The following ZSWIM6 variants were observed in gnomAD, a reference collection of about 807,000 sequenced individuals.
ZSWIM6 encodes zinc finger SWIM-type containing 6, also known as zinc finger SWIM domain-containing protein 6.
Under a neutral mutation model 113.2 loss-of-function variants are expected in ZSWIM6, and 9 were observed. That is an observed-to-expected ratio of 0.08 (90% CI 0.05 to 0.14). The LOEUF (loss-of-function observed/expected upper bound fraction) is 0.14, where lower values mean the gene tolerates loss of function less well. ZSWIM6 is among the 10% of genes least tolerant of loss of function. ZSWIM6 has a pLI of 1.00. For synonymous variants in ZSWIM6, 611 were observed against 606.5 expected (o/e 1.01, Z -0.11); for missense variants, 1,162 against 1,552.2 (o/e 0.75, Z 4.22).
chr5:61,536,630 C>T (rs571510368), intron 10 of ZSWIM6, among the ~76,000 whole-genome samples: 9 of 152,262 alleles, frequency 5.9e-5, no homozygotes, highest in African/African-American at 9.6e-5. Context: ...TTACCAGTGT[C>T]CCCAAAGTTA....
At chr5:61,372,689 C>T (rs1252488829) in intron 1 of ZSWIM6, among the ~76,000 whole-genome samples, 1 of 152,174 alleles carries the variant, frequency 6.6e-6, no homozygotes, top group Non-Finnish European at 1.5e-5. Context: ...CTGTAGTCCA[C>T]CTATTCATAG....
intron 1 of ZSWIM6, among the ~76,000 whole-genome samples, chr5:61,446,733 T>A (rs1746961532): frequency 6.6e-6 from 1 of 152,242 alleles, no homozygotes. Context: ...TGGAAAATGC[T>A]TGGATGTATT....
chr5:61,466,372 A>G (rs1023227483), intron 1 of ZSWIM6, among the ~76,000 whole-genome samples: 2 of 152,200 alleles, frequency 1.3e-5, no homozygotes, highest in Non-Finnish European at 2.9e-5. Context: ...AAAAAATTAC[A>G]GAAAAACTCC....
chr5:61,406,515 A>G (rs1389918547), intron 1 of ZSWIM6, among the ~76,000 whole-genome samples: 1 of 152,070 alleles, frequency 6.6e-6, no homozygotes, highest in Non-Finnish European at 1.5e-5. Context: ...CAGTATCAAA[A>G]TTTTGTTTTA....
At chr5:61,445,498 G>A (rs566314256) in intron 1 of ZSWIM6, among the ~76,000 whole-genome samples, 1 of 151,992 alleles carries the variant, frequency 6.6e-6, no homozygotes, top group East Asian at 1.9e-4. Flanking sequence ...GTGATAAAAC[G>A]CTTGGGATAA....
At chr5:61,482,956 G>T (rs900795142) in intron 2 of ZSWIM6, among the ~76,000 whole-genome samples, 3 of 151,452 alleles carry the variant, frequency 2.0e-5, no homozygotes, top group African/African-American at 7.3e-5. Context: ...CTATCAAGAA[G>T]TAAGTTAATT....
intron 1 of ZSWIM6, among the ~76,000 whole-genome samples, chr5:61,386,615 G>C (rs1272710863): frequency 2.6e-5 from 4 of 152,180 alleles, no homozygotes; most frequent in Non-Finnish European, 4.4e-5. Context: ...AGCTGAGCTG[G>C]CATTTGTACA....
chr5:61,397,317 A>C (rs945827045), intron 1 of ZSWIM6, among the ~76,000 whole-genome samples: 3 of 152,230 alleles, frequency 2.0e-5, no homozygotes, highest in Admixed American at 2.0e-4. Flanking sequence ...AATACATTGG[A>C]TTTACCACTG....
At chr5:61,368,958 T>C (rs1043467197) in intron 1 of ZSWIM6, among the ~76,000 whole-genome samples, 1 of 152,240 alleles carries the variant, frequency 6.6e-6, no homozygotes, top group Admixed American at 6.5e-5. Flanking sequence ...TAAAAAGGCT[T>C]CTTTGAATAT....
intron 1 of ZSWIM6, among the ~76,000 whole-genome samples, chr5:61,382,795 ACT>A (rs1377651385): frequency 6.6e-6 from 1 of 150,460 alleles, no homozygotes; most frequent in Non-Finnish European, 1.5e-5. Flanking sequence ...ACAGAGCAAG[ACT>A]CTGTCTAAAA....
intron 1 of ZSWIM6, among the ~76,000 whole-genome samples, chr5:61,384,884 C>T (rs925555874): frequency 2.0e-5 from 3 of 152,074 alleles, no homozygotes; most frequent in South Asian, 2.1e-4. Flanking sequence ...GGTGAAATCC[C>T]GTCTCTACTA....
At chr5:61,337,573 A>G (rs979130282) in intron 1 of ZSWIM6, among the ~76,000 whole-genome samples, 6 of 152,230 alleles carry the variant, frequency 3.9e-5, no homozygotes, top group African/African-American at 1.4e-4. Context: ...ACAGAAGGGA[A>G]GTGCCTAAGA....
At chr5:61,436,811 T>C (rs1270940000) in intron 1 of ZSWIM6, among the ~76,000 whole-genome samples, 1 of 152,182 alleles carries the variant, frequency 6.6e-6, no homozygotes, top group African/African-American at 2.4e-5. Context: ...GCTAGTTCTG[T>C]TCATCAATAT....
At chr5:61,348,913 G>A (rs994104695) in intron 1 of ZSWIM6, among the ~76,000 whole-genome samples, 1 of 152,022 alleles carries the variant, frequency 6.6e-6, no homozygotes, top group East Asian at 1.9e-4. Context: ...ACTGACCCTC[G>A]CCTGATTCAC....
chr5:61,458,492 G>T (rs1227881167), intron 1 of ZSWIM6, among the ~76,000 whole-genome samples: 1 of 152,142 alleles, frequency 6.6e-6, no homozygotes, highest in Non-Finnish European at 1.5e-5. Flanking sequence ...CCCTTTTTCA[G>T]ATTCTCTAGT....
chr5:61,353,961 T>C (rs1744844839), intron 1 of ZSWIM6, among the ~76,000 whole-genome samples: 1 of 152,200 alleles, frequency 6.6e-6, no homozygotes, highest in South Asian at 2.1e-4. Context: ...ATTCAGCAGA[T>C]GCTGTAGACA....
intron 7 of ZSWIM6, among the ~76,000 whole-genome samples, chr5:61,526,933 A>G (rs1424614625): frequency 1.3e-5 from 2 of 152,232 alleles, no homozygotes; most frequent in Non-Finnish European, 2.9e-5. Flanking sequence ...AGCTTGGCAC[A>G]ATGTGTAAGC....
chr5:61,511,128 A>G (rs1748776547), intron 4 of ZSWIM6, among the ~76,000 whole-genome samples: 1 of 152,160 alleles, frequency 6.6e-6, no homozygotes, highest in Admixed American at 6.6e-5. Flanking sequence ...ATAAAAGACC[A>G]TATCTATTAT....
rs1344978295 is a variant in ZSWIM6, at chr5:61,332,411, C to G, written c.139C>G (p.Arg47Gly). Reference sequence around the variant, plus strand: ...CAGCTCTGCCTGTCGGCCAGGCCCGCGGGCGGGTGGCGCGGCGGCGGCGGC... The same window carrying G: ...CAGCTCTGCCTGTCGGCCAGGCCCGGGGGCGGGTGGCGCGGCGGCGGCGGC... ...GYSSACRPGP[R>G]AGGAAAAAAC... The change falls in exon 1 of 14, where the codon CGG (arginine) becomes GGG (glycine). Residue 47 changes from arginine to glycine, a missense_variant. By Grantham distance (125) the Arg-to-Gly change is moderately radical. Transcript: ENST00000252744. 1 of 993,186 alleles carries G rather than the reference C, an allele frequency of 1.0e-6. No homozygotes were observed. The highest frequency in any genetic ancestry group is 1.2e-6 in the Non-Finnish European group (1 of 838,318). 61.5% of individuals were successfully genotyped at this position (993,186 alleles called of 1,614,324 possible). A position where few individuals can be genotyped will look rare whatever the true frequency, so the allele number is the denominator to read the frequency against.
Sources: allele counts gnomAD v4.1 joint callset (sites outside exome capture counted in the v4.1 genomes callset), GRCh38; gene constraint gnomAD v4.1.1; transcripts MANE v1.5; gene names NCBI Gene and HGNC (gene_info 2026-07-23, HGNC 2026-07-21).